The following DENND4A variants were observed in gnomAD, a reference collection of about 807,000 sequenced individuals.
The protein encoded by DENND4A is DENN domain containing 4A, also known as C-myc promoter-binding protein.
In DENND4A, 70 loss-of-function variants were observed where a neutral mutation model predicts 199.3. The ratio of observed to expected loss-of-function variants is 0.35; its 90% CI spans 0.29 to 0.43. DENND4A has a LOEUF of 0.43. Among genes scored for constraint, DENND4A ranks in the 20% least tolerant of loss-of-function variants. The probability of loss-of-function intolerance (pLI) is 1.00; values close to 1 mark genes in which losing one functional copy is unlikely to be tolerated. For synonymous variants in DENND4A, 686 were observed against 766.9 expected (o/e 0.89, Z 1.74); for missense variants, 1,723 against 2,255.8 (o/e 0.76, Z 4.78).
chr15:65,766,674 C>T (rs1254853705), intron 1 of DENND4A: 1 of 152,174 alleles, frequency 6.6e-6, no homozygotes, highest in South Asian at 2.1e-4. Context: ...ATACTACACA[C>T]AGACATATAT....
chr15:65,680,493 T>C (rs1216598906), intron 23 of DENND4A: 1 of 152,188 alleles, frequency 6.6e-6, no homozygotes, highest in African/African-American at 2.4e-5. Flanking sequence ...TTACTTAGTA[T>C]AAAAAATAAG....
chr15:65,756,724 C>T lies in DENND4A; in HGVS notation c.-22-252G>A, dbSNP rs999662456. 2.0e-5 allele frequency among the ~76,000 whole-genome samples: 3 copies of T among 152,278 alleles called. No homozygotes were observed. The South Asian group carries it at 6.2e-4, about 32-fold the overall frequency. Reference sequence around the variant, plus strand: ...AAACCTACATTACCTAAGTAGACAACAAAAAGAGATCTTTTTAAATGCACA... The same window carrying T: ...AAACCTACATTACCTAAGTAGACAATAAAAAGAGATCTTTTTAAATGCACA... On this transcript the variant is annotated intron_variant, in intron 2 of 32. Transcript: ENST00000443035.
intron 4 of DENND4A, 82 bp downstream of exon 4, chr15:65,752,297 A>T: frequency 1.6e-6 from 1 of 635,972 alleles, no homozygotes; most frequent in Non-Finnish European, 2.1e-6. Context: ...AAAAAAAAAA[A>T]AAAAAAAAAA....
At chr15:65,729,361 TGAA>T in intron 10 of DENND4A, 114 bp from the exon 11 acceptor site, 1 of 1,377,658 alleles carries the variant, frequency 7.3e-7, no homozygotes, top group Non-Finnish European at 1.0e-6. Context: ...TGCCTGATAA[TGAA>T]TGAAATAATT....
chr15:65,763,679 CAAAAAAA>C (rs11357605), intron 1 of DENND4A, among the ~76,000 whole-genome samples: 6 of 87,570 alleles, frequency 6.9e-5, no homozygotes, highest in South Asian at 3.5e-4. Flanking sequence ...GACCTTGTCT[CAAAAAAA>C]AAAAAAAAAA....
chr15:65,731,758 C>T (rs1159418839), intron 8 of DENND4A, 58 bp from the exon 9 acceptor site: 5 of 1,194,850 alleles, frequency 4.2e-6, no homozygotes, highest in Non-Finnish European at 5.9e-6. Flanking sequence ...TAAAACACCA[C>T]TTTCTGTTAA....
intron 1 of DENND4A, among the ~76,000 whole-genome samples, chr15:65,788,598 C>T (rs1416730951): frequency 6.6e-6 from 1 of 151,958 alleles, no homozygotes. Context: ...CGGCCAGGTG[C>T]AGTAATCACA....
rs761943167 is a variant in DENND4A at position 65,661,880 on chromosome 15, G to A, written c.5695C>T (p.Arg1899Ter). Residue 1899 changes from arginine (R) to a stop codon, truncating the protein, a stop_gained, in exon 33 of 33, where the codon CGA (arginine) becomes TGA (stop). Coordinates refer to ENST00000443035, the MANE Select transcript of DENND4A (RefSeq NM_001320835.1). LOFTEE classifies it high-confidence loss of function. ...AGATAAGGTTCTCCAAAGGTTTTTC[G>A]ACATTCCATCACCCCTGTACTTGGT... The part of the protein sequence containing the change: ...RPPSTGVMEC[R>*]KTFGEPYL The A allele has an allele frequency of 1.2e-6, 2 of 1,610,884 alleles. No individual in the cohort carries two copies. Among genetic ancestry groups the A allele is most frequent in the Non-Finnish European group, 8.5e-7 (1 of 1,178,424 alleles).
In DENND4A at chr15:65,690,547, T is replaced by C. The variant is rs371491922; in HGVS notation, c.4047A>G (p.Ser1349=). The C allele has an allele frequency of 1.6e-5, 26 of 1,613,654 alleles. No homozygotes were observed. Among genetic ancestry groups the C allele is most frequent in the African/African-American group, 1.5e-4 (11 of 75,032 alleles). The part of the protein sequence containing the change: ...SQDTLTHSSP[S]FNLDTLLVPK... The stretch of plus-strand genomic sequence containing the variant: ...GTACTAGTAGTGTATCTAAGTTAAA[T>C]GAAGGTGATGAGTGGGTTAATGTAT... The change falls in exon 23 of 33, where the codon TCA becomes TCG. Residue 1349 remains serine (S), a synonymous_variant. Transcript: ENST00000443035.
chr15:65,732,347 T>C (rs1046807924), intron 8 of DENND4A, among the ~76,000 whole-genome samples: 1 of 152,134 alleles, frequency 6.6e-6, no homozygotes, highest in African/African-American at 2.4e-5. Context: ...ATATTATTTT[T>C]CTAGATATTT....
chr15:65,659,766 C>T lies in DENND4A; in HGVS notation c.*2085G>A, dbSNP rs1338582698. ...GGGATTAAAAGTAGGGGAAATACAA[C>T]CCTCTCCAAAAGCAGAAACAAAACT... On this transcript the variant is annotated 3_prime_UTR_variant, in exon 33 of 33. Transcript: ENST00000443035. The T allele has an allele frequency of 6.5e-6, 1 of 153,766 alleles. No individual in the cohort carries two copies. Among genetic ancestry groups the T allele is most frequent in the African/African-American group, 2.4e-5 (1 of 41,388 alleles). 9.5% of individuals were successfully genotyped at this position (153,766 alleles called of 1,614,324 possible).
intron 16 of DENND4A, 40 bp from the exon 17 acceptor site, chr15:65,702,551 C>A (rs1225197091): frequency 3.4e-6 from 5 of 1,480,312 alleles, no homozygotes; most frequent in Non-Finnish European, 4.6e-6. Flanking sequence ...AATTTATGCA[C>A]TTAGGCATCT....
intron 23 of DENND4A, among the ~76,000 whole-genome samples, chr15:65,685,523 C>G (rs1330516501): frequency 6.6e-6 from 1 of 152,208 alleles, no homozygotes; most frequent in Non-Finnish European, 1.5e-5. Flanking sequence ...ACAGTCATCC[C>G]TCAGTATCCA....
At chr15:65,709,194 C>A (rs1346990616) in intron 14 of DENND4A, among the ~76,000 whole-genome samples, 1 of 152,136 alleles carries the variant, frequency 6.6e-6, no homozygotes, top group Non-Finnish European at 1.5e-5. Context: ...TAAGGAATAA[C>A]CCTCACAAAA....
chr15:65,742,961 C>T (rs2076298195), intron 4 of DENND4A, among the ~76,000 whole-genome samples: 1 of 152,062 alleles, frequency 6.6e-6, no homozygotes, highest in African/African-American at 2.4e-5. Context: ...GAAACACATT[C>T]CTTACACAAT....
At chr15:65,747,395 G>C (rs2076430936) in intron 4 of DENND4A, among the ~76,000 whole-genome samples, 1 of 152,114 alleles carries the variant, frequency 6.6e-6, no homozygotes, top group Non-Finnish European at 1.5e-5. Flanking sequence ...GCTTAATATG[G>C]ATTAAACTAG....
At chr15:65,756,108 A>C in intron 3 of DENND4A, 32 bp downstream of exon 3, 1 of 1,532,022 alleles carries the variant, frequency 6.5e-7, no homozygotes, top group Non-Finnish European at 8.8e-7. Context: ...TATTTGGATC[A>C]ATAACAGTAA....
At chr15:65,710,817 G>C (rs1053599798) in intron 14 of DENND4A, among the ~76,000 whole-genome samples, 1 of 152,212 alleles carries the variant, frequency 6.6e-6, no homozygotes, top group African/African-American at 2.4e-5. Flanking sequence ...CTTTGTGGTA[G>C]CAAGTGAGTT....
chr15:65,751,995 T>C (rs1373491684), intron 4 of DENND4A, among the ~76,000 whole-genome samples: 2 of 151,482 alleles, frequency 1.3e-5, no homozygotes, highest in African/African-American at 4.9e-5. Flanking sequence ...GAAAAACCAA[T>C]GATTTACAAA....
Sources: gnomAD v4.1 joint callset for allele counts (sites outside exome capture counted in the v4.1 genomes callset) on GRCh38, gnomAD v4.1.1 for gene constraint, MANE v1.5 for transcripts, NCBI Gene and HGNC (gene_info 2026-07-23, HGNC 2026-07-21) for gene names.